Variants in CACHD1 observed in about 807,000 individuals in gnomAD.
CACHD1 encodes cache domain containing 1, also known as VWFA and cache domain-containing protein 1.
CACHD1 carries 71 observed loss-of-function variants against 138.7 expected under a neutral mutation model. The observed-to-expected ratio is 0.51, with a 90% CI of 0.42 to 0.62. The LOEUF (loss-of-function observed/expected upper bound fraction) is 0.62, where lower values mean the gene tolerates loss of function less well. Ranked by LOEUF, CACHD1 falls within the 20% of genes least tolerant of loss-of-function variation. CACHD1 has a pLI of 0.00. For missense variants in CACHD1, 1,389 were observed against 1,625.3 expected, an observed-to-expected ratio of 0.85 and a Z score of 2.50; for synonymous variants, 578 against 591.5, an observed-to-expected ratio of 0.98 and a Z score of 0.33.
intron 14 of CACHD1, 81 bp from the exon 15 acceptor site, chr1:64,664,417 C>A: frequency 7.2e-7 from 1 of 1,397,758 alleles, no homozygotes; most frequent in Non-Finnish European, 1.0e-6. Context: ...TGCAACAGAG[C>A]TTTGGGAACA....
At chr1:64,649,094 T>A (rs562140377) in intron 9 of CACHD1, among the ~76,000 whole-genome samples, 49 of 152,320 alleles carry the variant, frequency 3.2e-4, no homozygotes, top group East Asian at 2.5e-3. Flanking sequence ...GGATTTTTTT[T>A]AAAACTCACG....
At chr1:64,511,468 C>G (rs151134089) in intron 1 of CACHD1, among the ~76,000 whole-genome samples, 208 of 152,216 alleles carry the variant, frequency 1.4e-3, no homozygotes, top group African/African-American at 4.8e-3. Context: ...CCATCAGGTT[C>G]CAGAGAGAGG....
At chr1:64,648,243 G>T (rs1362690799) in intron 9 of CACHD1, among the ~76,000 whole-genome samples, 3 of 152,142 alleles carry the variant, frequency 2.0e-5, no homozygotes, top group Admixed American at 6.5e-5. Flanking sequence ...GGGAGGCTTT[G>T]TGAGGATTCT....
At position 64,691,393 on chromosome 1, in the gene CACHD1, G is replaced by A. The variant is rs747205924; in HGVS notation, c.3657G>A (p.Gly1219=). ...GCAACAATGACCCCTTGTCAGCCGG[G>A]GTCGATGTGGGAAACCATGATGAGG... ...PPCNNDPLSA[G]VDVGNHDEDL... is the part of the protein sequence containing the mutation. The change falls in exon 27 of 27, where the codon GGG becomes GGA. Residue 1219 remains glycine, a synonymous_variant. Transcript: ENST00000651257. 3.1e-6 allele frequency: 5 copies of A among 1,613,910 alleles called. No homozygotes were observed. The highest frequency in any genetic ancestry group is 1.3e-5 in the African/African-American group (1 of 74,866).
At chr1:64,519,761 C>T (rs958004501) in intron 1 of CACHD1, among the ~76,000 whole-genome samples, 4 of 50,718 alleles carry the variant, frequency 7.9e-5, no homozygotes, top group African/African-American at 1.1e-4. Context: ...TAAAATATTG[C>T]AAACAGCTCT....
chr1:64,560,477 ATTTTG>A (rs1199795578), intron 2 of CACHD1, among the ~76,000 whole-genome samples: 1 of 151,944 alleles, frequency 6.6e-6, no homozygotes, highest in Non-Finnish European at 1.5e-5. Context: ...ATTTTTAAGT[ATTTTG>A]TTCAATTTTC....
chr1:64,503,159 G>A (rs186888782), intron 1 of CACHD1, among the ~76,000 whole-genome samples: 7 of 152,144 alleles, frequency 4.6e-5, no homozygotes, highest in Admixed American at 3.3e-4. Context: ...GACCAAAGCC[G>A]GCTTTTGATA....
At chr1:64,636,434 G>A (rs1366866422) in intron 7 of CACHD1, among the ~76,000 whole-genome samples, 2 of 152,202 alleles carry the variant, frequency 1.3e-5, no homozygotes, top group Non-Finnish European at 2.9e-5. Context: ...CAGCTTAGCT[G>A]AGTCCTCTGT....
At chr1:64,572,975 G>A (rs1160701854) in intron 2 of CACHD1, among the ~76,000 whole-genome samples, 2 of 152,196 alleles carry the variant, frequency 1.3e-5, no homozygotes, top group Admixed American at 6.5e-5. Context: ...CCCAGGCTCT[G>A]TCCTACTGAG....
chr1:64,487,397 G>T (rs1043316339), intron 1 of CACHD1, among the ~76,000 whole-genome samples: 3 of 152,158 alleles, frequency 2.0e-5, no homozygotes, highest in Non-Finnish European at 4.4e-5. Context: ...GAATACAAGA[G>T]AATGGGATTA....
chr1:64,543,456 G>A (rs967866014), intron 1 of CACHD1, among the ~76,000 whole-genome samples: 5 of 146,228 alleles, frequency 3.4e-5, no homozygotes, highest in South Asian at 2.1e-4. Flanking sequence ...TGATGCACAC[G>A]TCCTAGCTAC....
chr1:64,567,690 C>A (rs1295106553), intron 2 of CACHD1, among the ~76,000 whole-genome samples: 1 of 152,148 alleles, frequency 6.6e-6, no homozygotes, highest in Non-Finnish European at 1.5e-5. Flanking sequence ...AAAACATATG[C>A]TGTGTTGTTT....
intron 2 of CACHD1, among the ~76,000 whole-genome samples, chr1:64,556,634 C>T (rs577776585): frequency 1.3e-5 from 2 of 151,786 alleles, no homozygotes; most frequent in Non-Finnish European, 2.9e-5. Context: ...TAATAAAAAA[C>T]ATTTTGTGAT....
intron 1 of CACHD1, among the ~76,000 whole-genome samples, chr1:64,512,393 C>CAAAAAAAAAAAAAAAAAAAAAAAA (rs551616431): frequency 3.8e-5 from 3 of 78,632 alleles, no homozygotes; most frequent in African/African-American, 1.9e-4. Flanking sequence ...GACTGTGTCT[C>CAAAAAAAAAAAAAAAAAAAAAAAA]AAAAAAAAAA....
chr1:64,480,948 A>T (rs548063394), intron 1 of CACHD1, among the ~76,000 whole-genome samples: 3 of 151,248 alleles, frequency 2.0e-5, no homozygotes, highest in African/African-American at 7.3e-5. Context: ...CATTCATTTA[A>T]TTTGATGATG....
At chr1:64,490,030 C>T (rs898282439) in intron 1 of CACHD1, among the ~76,000 whole-genome samples, 11 of 152,158 alleles carry the variant, frequency 7.2e-5, no homozygotes, top group African/African-American at 2.4e-4. Flanking sequence ...ATTGCCTTAG[C>T]CAAAGGGAGT....
Position 64,609,727 on chromosome 1 carries a change from G to A in CACHD1, c.517+6815G>A, listed in dbSNP as rs148435043. On this transcript the variant is annotated intron_variant, in intron 4 of 26. Coordinates refer to ENST00000651257, the MANE Select transcript of CACHD1 (RefSeq NM_020925.4). ...TCACACTCATACTACATATCATAATGGATATAGCCTTTTTTTAACTTAGCA... is the reference window on the plus strand; with the variant it reads ...TCACACTCATACTACATATCATAATAGATATAGCCTTTTTTTAACTTAGCA... Among the ~76,000 whole-genome samples, 401 of 151,870 alleles carry A rather than the reference G, an allele frequency of 2.6e-3. 1 individual carries two copies. Among genetic ancestry groups the A allele is most frequent in the Non-Finnish European group, 3.5e-3 (235 of 67,974 alleles).
chr1:64,493,113 G>A (rs1028689940), intron 1 of CACHD1, among the ~76,000 whole-genome samples: 2 of 152,208 alleles, frequency 1.3e-5, no homozygotes, highest in Non-Finnish European at 2.9e-5. Flanking sequence ...CACATCAAAC[G>A]AAATGTCTCT....
intron 1 of CACHD1, among the ~76,000 whole-genome samples, chr1:64,475,691 C>T (rs1004071865): frequency 2.6e-5 from 4 of 152,058 alleles, no homozygotes; most frequent in South Asian, 2.1e-4. Flanking sequence ...GGTCTACAGA[C>T]GCCTGCCACG....
Sources: allele counts gnomAD v4.1 joint callset (sites outside exome capture counted in the v4.1 genomes callset), GRCh38; gene constraint gnomAD v4.1.1; transcripts MANE v1.5; gene names NCBI Gene and HGNC (gene_info 2026-07-23, HGNC 2026-07-21).